Variants in MAP3K5 observed in about 807,000 individuals in gnomAD.
MAP3K5 encodes mitogen-activated protein kinase kinase kinase 5.
Under a neutral mutation model 158.7 loss-of-function variants are expected in MAP3K5, and 56 were observed. The ratio of observed to expected loss-of-function variants is 0.35; its 90% CI spans 0.28 to 0.44. The LOEUF (loss-of-function observed/expected upper bound fraction) is 0.44. MAP3K5 is among the 20% of genes least tolerant of loss of function. MAP3K5 has a pLI of 1.00. For missense variants in MAP3K5, 1,294 were observed against 1,674.8 expected (o/e 0.77, Z 3.97); for synonymous variants, 579 against 601.7 (o/e 0.96, Z 0.55).
chr6:136,689,223 C>G (rs575324469), intron 7 of MAP3K5, among the ~76,000 whole-genome samples: 1 of 152,284 alleles, frequency 6.6e-6, no homozygotes, highest in African/African-American at 2.4e-5. Flanking sequence ...CTGCCTGAGG[C>G]CAGGAGTTCC....
At chr6:136,681,833 G>A (rs1402211378) in intron 7 of MAP3K5, among the ~76,000 whole-genome samples, 1 of 151,956 alleles carries the variant, frequency 6.6e-6, no homozygotes, top group Admixed American at 6.5e-5. Context: ...GCAGGAGAAT[G>A]GCGTGAACCT....
chr6:136,642,393 A>C, intron 12 of MAP3K5, 127 bp downstream of exon 12: 1 of 741,584 alleles, frequency 1.3e-6, no homozygotes, highest in Non-Finnish European at 2.3e-6. Flanking sequence ...AAGGCTGGGC[A>C]TTTCCACCAA....
intron 7 of MAP3K5, among the ~76,000 whole-genome samples, chr6:136,684,013 C>T (rs1780041075): frequency 6.6e-6 from 1 of 152,102 alleles, no homozygotes; most frequent in South Asian, 2.1e-4. Flanking sequence ...GTTAGTATCA[C>T]TTTGCTCCAG....
rs1562690990 is a variant in MAP3K5, at chr6:136,769,763, GGAAGGAAGGA to G, written c.448+21937_448+21946del. Among the ~76,000 whole-genome samples the G allele has an allele frequency of 1.4e-3, 53 of 36,796 alleles. 1 individual carries two copies. Among genetic ancestry groups the G allele is most frequent in the African/African-American group, 6.7e-3 (50 of 7,438 alleles). 24.1% of individuals were successfully genotyped at this position (36,796 alleles called of 152,430 possible). ...GGGAAGGAAGGAAGGAAGGAAGGAA[GGAAGGAAGGA>G]AGGAAGGAAGGAAGGAAGGAAGGGA... On this transcript the variant is annotated intron_variant, in intron 1 of 29. Transcript: ENST00000359015.
At chr6:136,715,848 T>C (rs772178680) in intron 2 of MAP3K5, among the ~76,000 whole-genome samples, 1 of 151,624 alleles carries the variant, frequency 6.6e-6, no homozygotes, top group Non-Finnish European at 1.5e-5. Context: ...CTGGCCAACA[T>C]GGCGAAACCC....
chr6:136,759,486 T>TATA (rs1783648630), intron 1 of MAP3K5, among the ~76,000 whole-genome samples: 1 of 64,124 alleles, frequency 1.6e-5, no homozygotes, highest in Non-Finnish European at 3.7e-5. Context: ...ATATATAAAG[T>TATA]TTGAGACAGA....
chr6:136,736,162 T>C (rs1302906442), intron 1 of MAP3K5, among the ~76,000 whole-genome samples: 3 of 152,116 alleles, frequency 2.0e-5, no homozygotes, highest in African/African-American at 7.2e-5. Flanking sequence ...TGGTCTTAAA[T>C]CCAGTTGGAT....
chr6:136,707,494 C>T (rs1000986460), intron 2 of MAP3K5, among the ~76,000 whole-genome samples: 1 of 151,124 alleles, frequency 6.6e-6, no homozygotes, highest in Non-Finnish European at 1.5e-5. Context: ...TAAACGTTAT[C>T]ACAGGGAGCT....
intron 10 of MAP3K5, 144 bp downstream of exon 10, chr6:136,656,163 A>G (rs763494411): frequency 7.8e-6 from 5 of 641,394 alleles, no homozygotes; most frequent in Admixed American, 2.9e-5. Context: ...GCTAAAGCAA[A>G]CCAATGTGCA....
intron 14 of MAP3K5, among the ~76,000 whole-genome samples, chr6:136,629,827 G>A (rs76494148): frequency 0.039 from 5,850 of 150,234 alleles, 204 homozygotes; most frequent in East Asian, 0.11. Context: ...TCACTCTGTC[G>A]CCCAGGCTGG....
At chr6:136,751,356 A>G (rs1783200216) in intron 1 of MAP3K5, among the ~76,000 whole-genome samples, 2 of 152,206 alleles carry the variant, frequency 1.3e-5, no homozygotes, top group African/African-American at 2.4e-5. Context: ...GAGAGTTAGA[A>G]TTTACTAGCA....
At chr6:136,697,579 T>C (rs1317585847) in intron 4 of MAP3K5, among the ~76,000 whole-genome samples, 192 bp from the exon 5 acceptor site, 1 of 139,296 alleles carries the variant, frequency 7.2e-6, no homozygotes, top group African/African-American at 3.4e-5. Flanking sequence ...GCCAATGTAT[T>C]TCTTTTATTA....
intron 10 of MAP3K5, among the ~76,000 whole-genome samples, chr6:136,651,441 T>G (rs919258055): frequency 2.0e-5 from 3 of 152,226 alleles, no homozygotes; most frequent in Non-Finnish European, 1.5e-5. Flanking sequence ...GCTATTTCTA[T>G]AAATATAAAT....
rs768910348 is a variant in MAP3K5, at chr6:136,558,750, A to G, written c.4064+50T>C. ...CCTGGGAAGATACTCAGACTTTTTG[A>G]TATTTGCCTGGTGCTCTTTCCATAG... On this transcript the variant is annotated intron_variant, in intron 29 of 29. Coordinates refer to ENST00000359015, the MANE Select transcript of MAP3K5 (RefSeq NM_005923.4). The G allele has an allele frequency of 3.4e-6, 4 of 1,188,944 alleles. No homozygotes were observed. The African/African-American group carries it at 6.0e-5, about 18-fold the overall frequency. The allele number at this position is 1,188,944 out of a possible 1,614,324, so 73.6% of individuals were successfully genotyped here.
chr6:136,592,748 G>T, intron 21 of MAP3K5, 134 bp from the exon 22 acceptor site: 1 of 823,134 alleles, frequency 1.2e-6, no homozygotes, highest in Non-Finnish European at 2.1e-6. Context: ...TGCTATGTAA[G>T]GGAACGGTCA....
chr6:136,615,560 GA>G (rs1320544852), intron 15 of MAP3K5, among the ~76,000 whole-genome samples: 1 of 152,138 alleles, frequency 6.6e-6, no homozygotes, highest in Non-Finnish European at 1.5e-5. Flanking sequence ...TGGTGATGTG[GA>G]ACCCTAGCAT....
chr6:136,700,520 T>G (rs1264655703), intron 3 of MAP3K5, among the ~76,000 whole-genome samples: 1 of 152,226 alleles, frequency 6.6e-6, no homozygotes, highest in African/African-American at 2.4e-5. Context: ...TATGAACACA[T>G]GCCTCTTCAA....
chr6:136,755,108 A>C (rs994284804), intron 1 of MAP3K5, among the ~76,000 whole-genome samples: 4 of 152,082 alleles, frequency 2.6e-5, no homozygotes, highest in Non-Finnish European at 5.9e-5. Flanking sequence ...TCTTTTTAAA[A>C]ATGCTAAGCT....
chr6:136,717,763 G>A (rs949996624), intron 2 of MAP3K5, among the ~76,000 whole-genome samples: 2 of 152,050 alleles, frequency 1.3e-5, no homozygotes, highest in Non-Finnish European at 2.9e-5. Context: ...GAACTTTCAG[G>A]ACTCAGAGGA....
Sources: allele counts gnomAD v4.1 joint callset (sites outside exome capture counted in the v4.1 genomes callset), GRCh38; gene constraint gnomAD v4.1.1; transcripts MANE v1.5; gene names NCBI Gene and HGNC (gene_info 2026-07-23, HGNC 2026-07-21).